CFAP74: variants seen among roughly 807,000 people sequenced by gnomAD.
The protein encoded by CFAP74 is cilia and flagella associated protein 74, also known as cilia- and flagella-associated protein 74.
A neutral mutation model predicts 188.9 loss-of-function variants in CFAP74; 124 were observed. The ratio of observed to expected loss-of-function variants is 0.66; its 90% CI spans 0.57 to 0.76. The LOEUF (loss-of-function observed/expected upper bound fraction) is 0.76, where lower values mean the gene tolerates loss of function less well. Ranked by LOEUF, CFAP74 falls within the 30% of genes least tolerant of loss-of-function variation. The pLI, the probability that CFAP74 is intolerant of heterozygous loss-of-function variation, is 0.00. For synonymous variants in CFAP74, 956 were observed against 916.7 expected (o/e 1.04, Z -0.77); for missense variants, 2,198 against 2,165.2 (o/e 1.02, Z -0.30).
chr1:1,932,744 C>G (rs372552692), intron 25 of CFAP74, among the ~76,000 whole-genome samples: 37 of 151,710 alleles, frequency 2.4e-4, no homozygotes, highest in African/African-American at 6.0e-4. Flanking sequence ...AGGCACCCAC[C>G]ACCACACCTG....
intron 2 of CFAP74, among the ~76,000 whole-genome samples, chr1:1,990,580 T>A (rs553599692): frequency 6.6e-6 from 1 of 152,248 alleles, no homozygotes; most frequent in Non-Finnish European, 1.5e-5. Flanking sequence ...AGAGATTTTT[T>A]AAAAACAGCT....
At position 1,973,194 on chromosome 1, in the gene CFAP74, C is replaced by T. The variant is rs571683726; in HGVS notation, c.675-147G>A. On this transcript the variant is annotated intron_variant, in intron 7 of 38. Coordinates refer to ENST00000682832, the MANE Select transcript of CFAP74 (RefSeq NM_001304360.2). This position sits in a 1 kb window ranked among gnomAD's most constrained non-coding sequence, Gnocchi z 6.2. ...CCGCACAGCCTCCCTTGGGGAGGAG[C>T]GAGGGTCCCTGGAGAGCTGATGCCG... 3.4e-5 allele frequency: 21 copies of T among 617,666 alleles called. No homozygotes were observed. The highest frequency in any genetic ancestry group is 1.2e-4 in the Admixed American group (4 of 33,818). 38.3% of individuals were successfully genotyped at this position (617,666 alleles called of 1,614,324 possible).
intron 14 of CFAP74, 29 bp from the exon 15 acceptor site, chr1:1,960,059 G>C (rs1433366075): frequency 1.3e-5 from 21 of 1,583,950 alleles, no homozygotes; most frequent in Middle Eastern, 1.7e-4. Flanking sequence ...AGCACACGGG[G>C]GTTAGTGCTG....
intron 20 of CFAP74, among the ~76,000 whole-genome samples, 163 bp from the exon 21 acceptor site, chr1:1,944,615 CT>C (rs1308686755): frequency 1.3e-5 from 2 of 151,702 alleles, no homozygotes; most frequent in African/African-American, 2.4e-5. Context: ...TCAAAATATT[CT>C]TTTTTTTTGA....
rs762811619 is a variant in CFAP74 at position 1,959,969 on chromosome 1, G to T, written c.1756C>A (p.Pro586Thr). 3 of 1,592,294 alleles carry T rather than the reference G, an allele frequency of 1.9e-6. No individual in the cohort carries two copies. Among genetic ancestry groups the T allele is most frequent in the Non-Finnish European group, 2.6e-6 (3 of 1,170,368 alleles). ...AACGGGCCCCTCTGACTCACCATCG[G>T]CTTGAAGGTGACAAGCACTTCACAG... ...MSCEVLVTFKPMINKDLEGNI... is the reference protein window; with the variant it reads ...MSCEVLVTFKTMINKDLEGNI... Residue 586 changes from proline to threonine, a missense_variant, in exon 15 of 39, where the codon CCG becomes ACG. By Grantham distance (38) the Pro-to-Thr change is conservative. Coordinates refer to ENST00000682832, the MANE Select transcript of CFAP74 (RefSeq NM_001304360.2).
At chr1:1,937,543 A>T (rs1216437745) in intron 25 of CFAP74, among the ~76,000 whole-genome samples, 1 of 152,218 alleles carries the variant, frequency 6.6e-6, no homozygotes, top group Non-Finnish European at 1.5e-5. Flanking sequence ...GGCTGGAATA[A>T]TTGGAAGCCT....
At chr1:1,925,750 T>C in intron 33 of CFAP74, 33 bp downstream of exon 33, 3 of 1,594,558 alleles carry the variant, frequency 1.9e-6, no homozygotes, top group Non-Finnish European at 2.6e-6. Context: ...CCTGGGAGGC[T>C]GGAGCCAGCA....
At position 1,970,797 on chromosome 1, in the gene CFAP74, T is replaced by G; in HGVS notation, c.908A>C (p.Gln303Pro). 6.2e-7 allele frequency: 1 copy of G among 1,614,124 alleles called. No homozygotes were observed. Among genetic ancestry groups the G allele is most frequent in the Non-Finnish European group, 8.5e-7 (1 of 1,179,998 alleles). The part of the protein sequence containing the change: ...SANRDTLRKF[Q>P]AWDRAKAELA... ...CTCTGCCTTGGCACGGTCCCATGCT[T>G]GGAACTTCCGCAGTGTGTCCTTGGA... The change falls in exon 10 of 39, where the codon CAA becomes CCA. Residue 303 changes from glutamine (Q) to proline (P), a missense_variant. Transcript: ENST00000682832.
At chr1:1,983,285 G>A (rs990561290) in intron 6 of CFAP74, among the ~76,000 whole-genome samples, 8 of 152,246 alleles carry the variant, frequency 5.3e-5, no homozygotes, top group South Asian at 2.1e-4. Flanking sequence ...AAGGGGACAC[G>A]GAGCGGGATT....
intron 25 of CFAP74, among the ~76,000 whole-genome samples, chr1:1,938,467 C>T (rs28592294): frequency 0.26 from 36,886 of 141,590 alleles, 4,636 homozygotes; most frequent in African/African-American, 0.28. Context: ...CACAGGCTCA[C>T]ACACACACAG....
intron 33 of CFAP74, among the ~76,000 whole-genome samples, chr1:1,925,431 G>A (rs1047314340): frequency 9.9e-5 from 15 of 152,278 alleles, no homozygotes; most frequent in East Asian, 1.9e-4. Context: ...CCTTGCCCCC[G>A]GTGGCTGAGC....
intron 9 of CFAP74, among the ~76,000 whole-genome samples, chr1:1,971,289 A>G (rs1424631868): frequency 6.7e-6 from 1 of 150,240 alleles, no homozygotes; most frequent in East Asian, 2.0e-4. Flanking sequence ...ACACACGTGC[A>G]CATACACGCT....
rs1238753137 is a variant in CFAP74 at position 1,944,469 on chromosome 1, G to C, written c.2365-17C>G. 6.5e-7 allele frequency: 1 copy of C among 1,534,824 alleles called. No homozygotes were observed. The highest frequency in any genetic ancestry group is 8.7e-7 in the Non-Finnish European group (1 of 1,145,876). On this transcript the variant is annotated splice_polypyrimidine_tract_variant and intron_variant, in intron 20 of 38. Transcript: ENST00000682832. ...GAAATGCAGCTGCATATGGACACAG[G>C]AGCTCAGCAACAGGAGTTCCTTGGG...
chr1:1,980,069 G>A lies in CFAP74; in HGVS notation c.500+5317C>T, dbSNP rs538284156. 7.3e-4 allele frequency among the ~76,000 whole-genome samples: 107 copies of A among 146,206 alleles called. 1 individual carries two copies. Among genetic ancestry groups the A allele is most frequent in the African/African-American group, 1.8e-3 (71 of 40,148 alleles). ...GGCACGCAGTGGGCACCCTCTTACC[G>A]CGTGGGGAGGACGGGTGAACGAGAG... On this transcript the variant is annotated intron_variant, in intron 6 of 38. Transcript: ENST00000682832.
Position 1,987,028 on chromosome 1 carries a change from G to T in CFAP74, c.304C>A (p.Leu102Met). 2 of 1,597,026 alleles carry T rather than the reference G, an allele frequency of 1.3e-6. No homozygotes were observed. Among genetic ancestry groups the T allele is most frequent in the Non-Finnish European group, 8.5e-7 (1 of 1,175,860 alleles). Residue 102 changes from leucine to methionine, a missense_variant, in exon 5 of 39, where the codon CTG becomes ATG. Coordinates refer to ENST00000682832, the MANE Select transcript of CFAP74 (RefSeq NM_001304360.2). ...TCCCGCCTCTGCCGACAGGCGCGCA[G>T]CTCCCCTCTGGAACAGGGAAACAAA... The part of the protein sequence containing the change: ...ELFTEKMRGE[L>M]RACRQRRDLI...
intron 9 of CFAP74, among the ~76,000 whole-genome samples, 183 bp from the exon 10 acceptor site, chr1:1,970,999 CGCACACCTGCACAT>C (rs1655948268): frequency 6.7e-6 from 1 of 149,492 alleles, no homozygotes; most frequent in Admixed American, 6.6e-5. Flanking sequence ...CACACACACA[CGCACACCTGCACAT>C]GCACACATCA....
intron 9 of CFAP74, among the ~76,000 whole-genome samples, chr1:1,971,426 C>T (rs954139347): frequency 2.0e-5 from 3 of 151,984 alleles, no homozygotes; most frequent in Admixed American, 1.3e-4. Context: ...TGCACACACA[C>T]ATGCAAACGT....
At chr1:1,952,590 AAAAGAAAG>A (rs58267869) in intron 18 of CFAP74, among the ~76,000 whole-genome samples, 1 of 148,562 alleles carries the variant, frequency 6.7e-6, no homozygotes, top group Admixed American at 6.7e-5. Context: ...GAAGCAAAGA[AAAAGAAAG>A]AAAGAAAGAA....
chr1:1,968,667 T>TCTC lies in CFAP74; in HGVS notation c.1212_1213insGAG (p.Lys404_Lys405insGlu), dbSNP rs61233860. 0.24 allele frequency: 390,648 copies of TCTC among 1,613,232 alleles called. 48,533 individuals carry two copies. The highest frequency in any genetic ancestry group is 0.32 in the East Asian group (14,460 of 44,836). On this transcript the variant is annotated inframe_insertion, in exon 11 of 39. Transcript: ENST00000682832. The surrounding 1 kb of genome is among the most constrained non-coding windows in gnomAD (Gnocchi z 4.3). ...TACGTGTTGGTTGGGACTGTGGTCT[T>TCTC]CTTGCAAAAGTCAGAAATGTAGTTC... is the stretch of plus-strand genomic sequence containing the variant.
Sources: gnomAD v4.1 joint callset for allele counts (sites outside exome capture counted in the v4.1 genomes callset) on GRCh38, gnomAD v4.1.1 for gene constraint, Gnocchi (gnomAD v3.1) non-coding constraint, MANE v1.5 for transcripts, NCBI Gene and HGNC (gene_info 2026-07-23, HGNC 2026-07-21) for gene names.